POFUT3: variants seen among roughly 807,000 people sequenced by gnomAD.
POFUT3 encodes the protein GDP-fucose protein O-fucosyltransferase 3.
the POFUT3 span, among the ~76,000 whole-genome samples, chr8:33,406,029 C>T: frequency 1.3e-5 from 2 of 152,080 alleles, no homozygotes; most frequent in Non-Finnish European, 2.9e-5. Context: ...ATTAACACAG[C>T]AACTCAAATT....
the POFUT3 span, among the ~76,000 whole-genome samples, chr8:33,428,169 T>A: frequency 6.6e-6 from 1 of 152,086 alleles, no homozygotes; most frequent in Non-Finnish European, 1.5e-5. Context: ...TCCTTCTCTC[T>A]CCTGGTTCTT....
the POFUT3 span, among the ~76,000 whole-genome samples, chr8:33,431,322 G>A: frequency 5.3e-5 from 8 of 151,620 alleles, no homozygotes; most frequent in Admixed American, 2.0e-4. Context: ...CAAGGCAGGC[G>A]GATCACTTGA....
At chr8:33,334,479 A>C in the POFUT3 span, among the ~76,000 whole-genome samples, 106 of 152,222 alleles carry the variant, frequency 7.0e-4, no homozygotes, top group African/African-American at 2.3e-3. Flanking sequence ...CGGCCTCCTA[A>C]AGTGCTGGGA....
chr8:33,339,312 A>G, the POFUT3 span, among the ~76,000 whole-genome samples: 2 of 152,186 alleles, frequency 1.3e-5, no homozygotes, highest in Admixed American at 1.3e-4. Flanking sequence ...TGAGTAGGCT[A>G]ACTGTAAGAA....
chr8:33,354,405 G>A, the POFUT3 span, among the ~76,000 whole-genome samples: 1 of 152,120 alleles, frequency 6.6e-6, no homozygotes, highest in Non-Finnish European at 1.5e-5. Context: ...TGAGTCTGAG[G>A]GCAGTAGGAG....
At chr8:33,388,383 C>T in the POFUT3 span, among the ~76,000 whole-genome samples, 1 of 131,844 alleles carries the variant, frequency 7.6e-6, no homozygotes, top group Non-Finnish European at 1.5e-5. Context: ...GTCGCCCAGG[C>T]TGTAGTATTG....
the POFUT3 span, among the ~76,000 whole-genome samples, chr8:33,341,721 A>C: frequency 1.3e-5 from 2 of 152,146 alleles, no homozygotes; most frequent in Admixed American, 6.5e-5. Context: ...AGGAAATAAT[A>C]AAAATAAGAG....
At chr8:33,321,267 A>G in the POFUT3 span, among the ~76,000 whole-genome samples, 2 of 152,132 alleles carry the variant, frequency 1.3e-5, no homozygotes, top group East Asian at 3.9e-4. Flanking sequence ...TCTGGCTTAT[A>G]AAAAACGTGA....
chr8:33,403,266 G>T, the POFUT3 span, among the ~76,000 whole-genome samples: 1 of 135,432 alleles, frequency 7.4e-6, no homozygotes, highest in Non-Finnish European at 1.6e-5. Flanking sequence ...TTTGTATGGT[G>T]TGTGCGTGTG....
chr8:33,374,130 G>A, the POFUT3 span, among the ~76,000 whole-genome samples: 1 of 152,160 alleles, frequency 6.6e-6, no homozygotes, highest in Non-Finnish European at 1.5e-5. Flanking sequence ...ATTCTCCTAA[G>A]AGGGTGAACC....
At chr8:33,317,671 T>C in the POFUT3 span, among the ~76,000 whole-genome samples, 1 of 152,092 alleles carries the variant, frequency 6.6e-6, no homozygotes, top group African/African-American at 2.4e-5. Context: ...CCCAATTCTC[T>C]TTGCTGGTTG....
chr8:33,342,881 A>C, the POFUT3 span, among the ~76,000 whole-genome samples: 1 of 152,146 alleles, frequency 6.6e-6, no homozygotes, highest in Non-Finnish European at 1.5e-5. Flanking sequence ...CGAGGCGGGC[A>C]GATCACCTAA....
chr8:33,338,652 T>A, the POFUT3 span, among the ~76,000 whole-genome samples: 9 of 152,286 alleles, frequency 5.9e-5, no homozygotes, highest in African/African-American at 2.2e-4. Context: ...CCCATTGCAG[T>A]ATCAGTAGAG....
At chr8:33,404,986 A>C in the POFUT3 span, among the ~76,000 whole-genome samples, 2 of 152,160 alleles carry the variant, frequency 1.3e-5, no homozygotes, top group African/African-American at 2.4e-5. Context: ...GACTCTGGAA[A>C]GTGAATACTT....
chr8:33,452,421 T>C, the POFUT3 span: 1 of 152,086 alleles, frequency 6.6e-6, no homozygotes, highest in Non-Finnish European at 1.5e-5. Flanking sequence ...AAGCTTTACT[T>C]ATGATGAACA....
the POFUT3 span, among the ~76,000 whole-genome samples, chr8:33,311,996 G>T: frequency 6.6e-6 from 1 of 152,030 alleles, no homozygotes; most frequent in Non-Finnish European, 1.5e-5. Context: ...GCCAGGCATG[G>T]TCACACTCGT....
chr8:33,418,763 C>T, the POFUT3 span, among the ~76,000 whole-genome samples: 1 of 152,178 alleles, frequency 6.6e-6, no homozygotes, highest in Non-Finnish European at 1.5e-5. Context: ...TATGTCAAAG[C>T]AACACCTGCA....
the POFUT3 span, among the ~76,000 whole-genome samples, chr8:33,426,815 C>T: frequency 2.0e-5 from 3 of 152,294 alleles, no homozygotes; most frequent in South Asian, 2.1e-4. Flanking sequence ...CTGAAATCGG[C>T]ACCTGGCATC....
At chr8:33,331,673 T>C in the POFUT3 span, among the ~76,000 whole-genome samples, 1 of 151,812 alleles carries the variant, frequency 6.6e-6, no homozygotes, top group African/African-American at 2.4e-5. Context: ...TTTGTTGTTG[T>C]TGTTGTTGTT....
Sources: gnomAD v4.1 joint callset for allele counts (sites outside exome capture counted in the v4.1 genomes callset) on GRCh38, gnomAD v4.1.1 for gene constraint, MANE v1.5 for transcripts, NCBI Gene and HGNC (gene_info 2026-07-23, HGNC 2026-07-21) for gene names.